Variants in ENTREP2 observed in about 807,000 individuals in gnomAD.
The protein encoded by ENTREP2 is protein ENTREP2.
chr15:29,410,606 G>T, the ENTREP2 span, among the ~76,000 whole-genome samples: 1 of 152,136 alleles, frequency 6.6e-6, no homozygotes, highest in African/African-American at 2.4e-5. Context: ...CTGCCTTCCT[G>T]ACTGTGCTCT....
the ENTREP2 span, among the ~76,000 whole-genome samples, chr15:29,211,048 T>C: frequency 3.3e-5 from 5 of 152,166 alleles, no homozygotes; most frequent in Non-Finnish European, 7.4e-5. Flanking sequence ...TAGGATCAGA[T>C]GATTAATAGA....
At chr15:29,615,881 A>G in the ENTREP2 span, among the ~76,000 whole-genome samples, 1 of 152,178 alleles carries the variant, frequency 6.6e-6, no homozygotes, top group South Asian at 2.1e-4. Context: ...GATACAGGGA[A>G]GCAGCGTCCA....
At chr15:29,466,425 C>T in the ENTREP2 span, among the ~76,000 whole-genome samples, 3 of 149,646 alleles carry the variant, frequency 2.0e-5, no homozygotes, top group Non-Finnish European at 4.5e-5. Flanking sequence ...CAGGGGAGGA[C>T]ACTGCTGCAC....
the ENTREP2 span, among the ~76,000 whole-genome samples, chr15:29,418,156 T>A: frequency 6.6e-6 from 1 of 152,190 alleles, no homozygotes; most frequent in East Asian, 1.9e-4. Flanking sequence ...CAGTATTTTA[T>A]CAAAACATTA....
chr15:29,516,609 G>T, the ENTREP2 span, among the ~76,000 whole-genome samples: 1 of 151,884 alleles, frequency 6.6e-6, no homozygotes, highest in African/African-American at 2.4e-5. Flanking sequence ...GGAGGGGATG[G>T]GGGGGTGCAG....
At chr15:29,128,677 G>A in the ENTREP2 span, 1 of 830,866 alleles carries the variant, frequency 1.2e-6, no homozygotes, top group Non-Finnish European at 2.0e-6. Context: ...AAGAAATGGA[G>A]GGAGGAGGAG....
chr15:29,399,525 G>A, the ENTREP2 span, among the ~76,000 whole-genome samples: 31 of 152,240 alleles, frequency 2.0e-4, no homozygotes, highest in African/African-American at 7.5e-4. Context: ...GAAACCATAA[G>A]AAAATTCAGT....
At chr15:29,346,076 G>A in the ENTREP2 span, among the ~76,000 whole-genome samples, 4 of 152,146 alleles carry the variant, frequency 2.6e-5, no homozygotes, top group Non-Finnish European at 4.4e-5. Context: ...CATCCCGCTC[G>A]GCGAACGAGC....
the ENTREP2 span, among the ~76,000 whole-genome samples, chr15:29,171,968 C>T: frequency 6.6e-6 from 1 of 152,158 alleles, no homozygotes; most frequent in African/African-American, 2.4e-5. Flanking sequence ...TGCTGTGGGG[C>T]ACATTTCTTT....
the ENTREP2 span, among the ~76,000 whole-genome samples, chr15:29,158,397 A>C: frequency 1.5e-3 from 197 of 131,872 alleles, no homozygotes; most frequent in Middle Eastern, 0.013. Flanking sequence ...AAATGACATT[A>C]TCTCTGCCTT....
At chr15:29,511,607 G>A in the ENTREP2 span, among the ~76,000 whole-genome samples, 11 of 151,530 alleles carry the variant, frequency 7.3e-5, no homozygotes, top group African/African-American at 2.2e-4. Context: ...GATTACAGGC[G>A]TGAGCCACCA....
At chr15:29,160,989 T>G in the ENTREP2 span, among the ~76,000 whole-genome samples, 1 of 152,018 alleles carries the variant, frequency 6.6e-6, no homozygotes, top group Non-Finnish European at 1.5e-5. Context: ...AAGGGATGGG[T>G]GTTGGGCTTT....
chr15:29,530,652 G>A, the ENTREP2 span, among the ~76,000 whole-genome samples: 1 of 152,318 alleles, frequency 6.6e-6, no homozygotes, highest in South Asian at 2.1e-4. Flanking sequence ...GGTGATGGGT[G>A]GAGGTGCAAG....
the ENTREP2 span, among the ~76,000 whole-genome samples, chr15:29,366,512 T>C: frequency 6.6e-6 from 1 of 152,192 alleles, no homozygotes; most frequent in Non-Finnish European, 1.5e-5. Flanking sequence ...CATATGGCCA[T>C]GGAAGCACCA....
At chr15:29,493,193 G>A in the ENTREP2 span, among the ~76,000 whole-genome samples, 1 of 122,318 alleles carries the variant, frequency 8.2e-6, no homozygotes, top group Non-Finnish European at 1.7e-5. Flanking sequence ...GAGTGCAGTG[G>A]CGGGATCTCG....
the ENTREP2 span, among the ~76,000 whole-genome samples, chr15:29,410,877 C>T: frequency 1.3e-5 from 2 of 152,190 alleles, no homozygotes; most frequent in African/African-American, 4.8e-5. Flanking sequence ...CCTCCGCCTC[C>T]CAGGTTCAAG....
the ENTREP2 span, among the ~76,000 whole-genome samples, chr15:29,447,239 C>A: frequency 6.6e-6 from 1 of 152,120 alleles, no homozygotes; most frequent in African/African-American, 2.4e-5. Context: ...ACCTTTAAAG[C>A]ACAATGAATC....
At chr15:29,191,213 T>C in the ENTREP2 span, among the ~76,000 whole-genome samples, 2 of 152,148 alleles carry the variant, frequency 1.3e-5, no homozygotes, top group African/African-American at 4.8e-5. Flanking sequence ...ATGTGGCACA[T>C]GACTCTCAGA....
chr15:29,418,767 AG>A, the ENTREP2 span, among the ~76,000 whole-genome samples: 7 of 152,294 alleles, frequency 4.6e-5, no homozygotes, highest in Admixed American at 4.6e-4. Context: ...TAAACTCTGA[AG>A]CTTCTTTTAT....
Sources: allele counts gnomAD v4.1 joint callset (sites outside exome capture counted in the v4.1 genomes callset), GRCh38; gene constraint gnomAD v4.1.1; transcripts MANE v1.5; gene names NCBI Gene and HGNC (gene_info 2026-07-23, HGNC 2026-07-21).